ERBB4: variants seen among roughly 807,000 people sequenced by gnomAD.
The protein encoded by ERBB4 is receptor tyrosine-protein kinase erbB-4.
Under a neutral mutation model 158.0 loss-of-function variants are expected in ERBB4, and 42 were observed. The observed-to-expected ratio is 0.27, with a 90% CI of 0.21 to 0.34. The LOEUF (loss-of-function observed/expected upper bound fraction) is 0.34, where lower values mean the gene tolerates loss of function less well. Among genes scored for constraint, ERBB4 ranks in the 10% least tolerant of loss-of-function variants. The probability of loss-of-function intolerance (pLI) is 1.00; values close to 1 mark genes in which losing one functional copy is unlikely to be tolerated. For synonymous variants in ERBB4, 583 were observed against 558.7 expected (o/e 1.04, Z -0.61); for missense variants, 1,333 against 1,624.1 (o/e 0.82, Z 3.08).
At chr2:211,674,943 A>C (rs911413293) in intron 13 of ERBB4, among the ~76,000 whole-genome samples, 1 of 152,134 alleles carries the variant, frequency 6.6e-6, no homozygotes, top group Non-Finnish European at 1.5e-5. Flanking sequence ...TTGAGGAATA[A>C]AATGTATGTC....
intron 3 of ERBB4, among the ~76,000 whole-genome samples, chr2:211,835,263 T>C (rs1242424407): frequency 6.6e-6 from 1 of 152,116 alleles, no homozygotes; most frequent in Admixed American, 6.6e-5. Context: ...TGAAGGCTGA[T>C]GGAGCAAATA....
At chr2:211,690,765 T>C (rs1299815215) in intron 12 of ERBB4, among the ~76,000 whole-genome samples, 2 of 152,142 alleles carry the variant, frequency 1.3e-5, no homozygotes, top group Non-Finnish European at 1.5e-5. Flanking sequence ...CCTGCAGTGA[T>C]AGTCATGAGT....
chr2:211,422,488 C>CAAA (rs57602784), intron 23 of ERBB4, among the ~76,000 whole-genome samples: 8 of 102,404 alleles, frequency 7.8e-5, no homozygotes, highest in Middle Eastern at 5.6e-3. Flanking sequence ...TCCTGGTGGA[C>CAAA]AAAAAAAAAA....
intron 1 of ERBB4, among the ~76,000 whole-genome samples, chr2:212,142,606 T>G (rs943315069): frequency 6.8e-6 from 1 of 147,364 alleles, no homozygotes; most frequent in Non-Finnish European, 1.5e-5. Flanking sequence ...ATATATAATA[T>G]TAAAATATAT....
At chr2:211,955,019 G>A (rs996445867) in intron 2 of ERBB4, among the ~76,000 whole-genome samples, 1 of 151,974 alleles carries the variant, frequency 6.6e-6, no homozygotes, top group African/African-American at 2.4e-5. Flanking sequence ...CTGGCAAGGA[G>A]GGACTCAAAG....
At chr2:211,795,137 G>A (rs891478742) in intron 3 of ERBB4, among the ~76,000 whole-genome samples, 46 of 151,906 alleles carry the variant, frequency 3.0e-4, no homozygotes, top group African/African-American at 1.1e-3. Context: ...ATATTATAAA[G>A]AGATAGATAA....
chr2:211,764,032 A>T (rs556671337), intron 4 of ERBB4, among the ~76,000 whole-genome samples: 1 of 152,330 alleles, frequency 6.6e-6, no homozygotes, highest in East Asian at 1.9e-4. Context: ...AAGTTGATGG[A>T]GGTTATAAGA....
chr2:211,813,072 T>C (rs1047996041), intron 3 of ERBB4, among the ~76,000 whole-genome samples: 19 of 152,304 alleles, frequency 1.2e-4, no homozygotes, highest in Middle Eastern at 3.4e-3. Flanking sequence ...ATAGTCCCAA[T>C]GAGATGAACC....
intron 20 of ERBB4, among the ~76,000 whole-genome samples, chr2:211,447,186 A>T (rs1201025410): frequency 2.0e-5 from 3 of 152,144 alleles, no homozygotes; most frequent in African/African-American, 7.2e-5. Context: ...CTACCTTTAT[A>T]TGACTTTACA....
At chr2:212,050,805 C>A (rs1224742797) in intron 2 of ERBB4, among the ~76,000 whole-genome samples, 2 of 152,168 alleles carry the variant, frequency 1.3e-5, no homozygotes, top group Non-Finnish European at 2.9e-5. Context: ...TAACTAAGAA[C>A]CGAATACTTG....
At position 212,045,068 on chromosome 2, in the gene ERBB4, T is replaced by C. The variant is rs535737381; in HGVS notation, c.234+79684A>G. 3.7e-4 allele frequency among the ~76,000 whole-genome samples: 57 copies of C among 152,350 alleles called. No individual in the cohort carries two copies. The South Asian group carries it at 0.011, about 29-fold the overall frequency. On this transcript the variant is annotated intron_variant, in intron 2 of 27. Coordinates refer to ENST00000342788, the MANE Select transcript of ERBB4 (RefSeq NM_005235.3). Reference sequence around the variant, plus strand: ...TTGTTTATTGACCAAAAAATAATTATGTTATATGAATCTTGCATAAAAATA... The same window carrying C: ...TTGTTTATTGACCAAAAAATAATTACGTTATATGAATCTTGCATAAAAATA...
chr2:212,326,774 C>T (rs2087859912), intron 1 of ERBB4, among the ~76,000 whole-genome samples: 1 of 150,734 alleles, frequency 6.6e-6, no homozygotes, highest in Admixed American at 6.6e-5. Context: ...AAGAAACTAC[C>T]ATATTTAAGA....
intron 20 of ERBB4, among the ~76,000 whole-genome samples, chr2:211,437,778 C>A (rs1294260307): frequency 6.6e-6 from 1 of 151,974 alleles, no homozygotes; most frequent in Non-Finnish European, 1.5e-5. Context: ...ATTCTAATTA[C>A]CTGAAGCTTT....
chr2:212,098,830 G>A (rs571353903), intron 2 of ERBB4, among the ~76,000 whole-genome samples: 50 of 152,198 alleles, frequency 3.3e-4, no homozygotes, highest in African/African-American at 1.2e-3. Flanking sequence ...CCTATAAATA[G>A]TTCAAATGTA....
chr2:212,229,499 A>G (rs2083592174), intron 1 of ERBB4, among the ~76,000 whole-genome samples: 1 of 152,228 alleles, frequency 6.6e-6, no homozygotes, highest in Admixed American at 6.5e-5. Context: ...AGCAACAGAA[A>G]GGTACTAAAG....
At chr2:211,507,913 G>GGAAAACTGGCTAGCCATATGCA in intron 20 of ERBB4, among the ~76,000 whole-genome samples, 1 of 152,080 alleles carries the variant, frequency 6.6e-6, no homozygotes, top group Non-Finnish European at 1.5e-5. Flanking sequence ...AAAGGTTCTG[G>GGAAAACTGGCTAGCCATATGCA]GAAAACTGGC....
intron 3 of ERBB4, among the ~76,000 whole-genome samples, chr2:211,800,735 C>A (rs989966939): frequency 1.3e-5 from 2 of 149,462 alleles, no homozygotes; most frequent in African/African-American, 4.9e-5. Context: ...TCTTGAGGTG[C>A]GTTTCTTTTG....
intron 1 of ERBB4, among the ~76,000 whole-genome samples, chr2:212,350,248 T>C (rs1361293211): frequency 6.6e-6 from 1 of 152,140 alleles, no homozygotes; most frequent in South Asian, 2.1e-4. Flanking sequence ...AAATGAATTT[T>C]CCTAGCTGAC....
At chr2:211,494,038 C>T (rs550861833) in intron 20 of ERBB4, among the ~76,000 whole-genome samples, 2 of 152,062 alleles carry the variant, frequency 1.3e-5, no homozygotes, top group South Asian at 2.1e-4. Context: ...CCCAACATAG[C>T]GTTGCCCAGG....
Sources: gnomAD v4.1 joint callset for allele counts (sites outside exome capture counted in the v4.1 genomes callset) on GRCh38, gnomAD v4.1.1 for gene constraint, MANE v1.5 for transcripts, NCBI Gene and HGNC (gene_info 2026-07-23, HGNC 2026-07-21) for gene names.